The following PUDP variants were observed in gnomAD, a reference collection of about 807,000 sequenced individuals.
The protein encoded by PUDP is pseudouridine 5'-phosphatase.
Under a neutral mutation model 9.4 loss-of-function variants are expected in PUDP, and 8 were observed. The ratio of observed to expected loss-of-function variants is 0.85; its 90% CI spans 0.50 to 1.53. PUDP has a LOEUF of 1.53. Among genes scored for constraint, PUDP ranks in the 40% most tolerant of loss-of-function variants. The pLI is 0.00. For missense variants in PUDP, 188 were observed against 189.7 expected, an observed-to-expected ratio of 0.99 and a Z score of 0.05; for synonymous variants, 99 against 80.7, an observed-to-expected ratio of 1.23 and a Z score of -1.22.
intron 3 of PUDP, among the ~76,000 whole-genome samples, chrX:6,832,109 T>C (rs1926512718): frequency 9.0e-6 from 1 of 111,097 alleles, no homozygotes; most frequent in African/African-American, 3.3e-5. Flanking sequence ...CTGCCCCTAC[T>C]TAACAAAACC....
intron 1 of PUDP, among the ~76,000 whole-genome samples, chrX:7,121,422 G>A (rs1023903829): frequency 8.9e-6 from 1 of 111,763 alleles, no homozygotes; most frequent in Non-Finnish European, 1.9e-5. Flanking sequence ...TCCTTTCTGG[G>A]GCACTGGTGA....
intron 1 of PUDP, among the ~76,000 whole-genome samples, chrX:6,712,434 G>A (rs1052730724): frequency 8.0e-5 from 9 of 112,224 alleles, no homozygotes; most frequent in Non-Finnish European, 1.7e-4. Flanking sequence ...GCAGGCATGA[G>A]CCACCACGCC....
intron 3 of PUDP, among the ~76,000 whole-genome samples, chrX:7,063,020 A>G (rs978697646): frequency 9.3e-6 from 1 of 107,890 alleles, no homozygotes; most frequent in Non-Finnish European, 1.9e-5. Context: ...ACCTGCTATT[A>G]AGATGGCCTC....
At chrX:6,743,770 C>A (rs375543594) in intron 3 of PUDP, among the ~76,000 whole-genome samples, 1 of 111,678 alleles carries the variant, frequency 9.0e-6, no homozygotes, top group Non-Finnish European at 1.9e-5. Context: ...CATGACAGGG[C>A]GCCAGCAAAG....
chrX:7,076,465 T>C (rs758013149), intron 3 of PUDP, among the ~76,000 whole-genome samples: 1 of 111,972 alleles, frequency 8.9e-6, no homozygotes, highest in African/African-American at 3.2e-5. Flanking sequence ...TACCTGCAGA[T>C]CGTTCAGGCC....
intron 3 of PUDP, among the ~76,000 whole-genome samples, chrX:6,964,339 C>T (rs1028118099): frequency 8.9e-6 from 1 of 111,849 alleles, no homozygotes. Flanking sequence ...TTAAAAGATT[C>T]GATTCCCTAC....
intron 1 of PUDP, among the ~76,000 whole-genome samples, chrX:7,004,216 T>C (rs1279671659): frequency 8.9e-6 from 1 of 111,907 alleles, no homozygotes; most frequent in Non-Finnish European, 1.9e-5. Flanking sequence ...TCTTATGTAA[T>C]AATAAATAAA....
intron 2 of PUDP, among the ~76,000 whole-genome samples, chrX:7,083,646 A>C (rs1427321122): frequency 7.2e-5 from 8 of 110,883 alleles, no homozygotes; most frequent in African/African-American, 2.6e-4. Flanking sequence ...CATGCCTACA[A>C]TCTCAGCACT....
At chrX:7,089,225 C>T (rs955509849) in intron 2 of PUDP, among the ~76,000 whole-genome samples, 4 of 111,526 alleles carry the variant, frequency 3.6e-5, no homozygotes, top group Middle Eastern at 9.2e-3. Context: ...GTCAGTTTTT[C>T]CATCAGTGGG....
At chrX:6,885,291 A>G (rs1346494309) in intron 3 of PUDP, among the ~76,000 whole-genome samples, 1 of 111,965 alleles carries the variant, frequency 8.9e-6, no homozygotes, top group African/African-American at 3.2e-5. Flanking sequence ...AAGACACACA[A>G]TCAAGGTTAC....
chrX:6,959,406 G>A (rs758423776), intron 3 of PUDP, among the ~76,000 whole-genome samples: 2 of 112,206 alleles, frequency 1.8e-5, no homozygotes, highest in African/African-American at 3.2e-5. Context: ...CCTAGGTTCA[G>A]CTTGACTCCC....
intron 3 of PUDP, among the ~76,000 whole-genome samples, chrX:6,902,504 A>G (rs887653079): frequency 8.9e-6 from 1 of 112,480 alleles, no homozygotes; most frequent in South Asian, 3.7e-4. Context: ...CGGTATAAAG[A>G]AAGTGACTTT....
At chrX:6,951,634 A>G (rs946795809) in intron 3 of PUDP, among the ~76,000 whole-genome samples, 2 of 111,864 alleles carry the variant, frequency 1.8e-5, no homozygotes, top group African/African-American at 6.5e-5. Context: ...CAGCTCAGCC[A>G]GGCATAAATG....
At chrX:7,073,858 C>T (rs184224141) in intron 3 of PUDP, among the ~76,000 whole-genome samples, 4 of 112,944 alleles carry the variant, frequency 3.5e-5, no homozygotes, top group African/African-American at 9.6e-5. Context: ...AGCTAAATGA[C>T]TTTTAAAAAA....
At chrX:7,125,844 G>T (rs1345679035) in intron 1 of PUDP, among the ~76,000 whole-genome samples, 1 of 110,257 alleles carries the variant, frequency 9.1e-6, no homozygotes, top group Admixed American at 9.7e-5. Flanking sequence ...AGAACAGCAC[G>T]GGAAAGACCT....
rs185526279 is a variant in PUDP, at chrX:7,073,967, G to A, written c.510+3253C>T. Among the ~76,000 whole-genome samples, 492 of 112,681 alleles carry A rather than the reference G, an allele frequency of 4.4e-3. 1 individual carries two copies. Among genetic ancestry groups the A allele is most frequent in the African/African-American group, 0.015 (460 of 31,062 alleles). Reference sequence around the variant, plus strand: ...ATTCATTCCATGGGCCTCTTTGCAGGGTACCTTGTGAGAGAAATTCCTCCT... The same window carrying A: ...ATTCATTCCATGGGCCTCTTTGCAGAGTACCTTGTGAGAGAAATTCCTCCT... On this transcript the variant is annotated intron_variant, in intron 3 of 3. Transcript: ENST00000381077.
chrX:6,985,406 A>T (rs749351072), intron 1 of PUDP, among the ~76,000 whole-genome samples: 9 of 111,269 alleles, frequency 8.1e-5, no homozygotes, highest in African/African-American at 2.9e-4. Flanking sequence ...CTGCTAACTC[A>T]TGGAGGTTTG....
At chrX:6,776,581 C>A (rs1189170780) in intron 3 of PUDP, among the ~76,000 whole-genome samples, 1 of 111,749 alleles carries the variant, frequency 8.9e-6, no homozygotes, top group African/African-American at 3.3e-5. Context: ...CCACACTGGA[C>A]TGACTGAATC....
chrX:6,821,096 C>G (rs1364480583), intron 3 of PUDP, among the ~76,000 whole-genome samples: 1 of 111,112 alleles, frequency 9.0e-6, no homozygotes, highest in Non-Finnish European at 1.9e-5. Context: ...TCCAACCCTG[C>G]CAAGGGTTGG....
Sources: allele counts gnomAD v4.1 joint callset (sites outside exome capture counted in the v4.1 genomes callset), GRCh38; gene constraint gnomAD v4.1.1; transcripts MANE v1.5; gene names NCBI Gene and HGNC (gene_info 2026-07-23, HGNC 2026-07-21).